Variants in AUTS2 observed in about 807,000 individuals in gnomAD.
The protein encoded by AUTS2 is activator of transcription and developmental regulator AUTS2, also known as autism susceptibility gene 2 protein.
AUTS2 carries 17 observed loss-of-function variants against 112.4 expected under a neutral mutation model. The observed-to-expected ratio is 0.15, with a 90% CI of 0.10 to 0.23. The LOEUF (loss-of-function observed/expected upper bound fraction) is 0.23, where lower values mean the gene tolerates loss of function less well. Among genes scored for constraint, AUTS2 ranks in the 10% least tolerant of loss-of-function variants. The pLI is 1.00. For synonymous variants in AUTS2, 751 were observed against 702.7 expected (o/e 1.07, Z -1.09); for missense variants, 1,510 against 1,701.6 (o/e 0.89, Z 1.98).
At position 70,679,137 on chromosome 7, in the gene AUTS2, G is replaced by A. The variant is rs572574212; in HGVS notation, c.691-19432G>A. Among the ~76,000 whole-genome samples the A allele has an allele frequency of 2.0e-5, 3 of 152,266 alleles. No homozygotes were observed. In the South Asian group the frequency reaches 6.2e-4, roughly 32 times the overall value. ...ATCAATGGAGGAAGTCAAGCAAAGAGTTTTTGGGTGTTATTCTCACCATCT... is the reference window on the plus strand; with the variant it reads ...ATCAATGGAGGAAGTCAAGCAAAGAATTTTTGGGTGTTATTCTCACCATCT... On this transcript the variant is annotated intron_variant, in intron 5 of 18. Transcript: ENST00000342771.
intron 4 of AUTS2, among the ~76,000 whole-genome samples, chr7:70,234,259 A>T (rs1812204067): frequency 6.6e-6 from 1 of 152,172 alleles, no homozygotes; most frequent in African/African-American, 2.4e-5. Context: ...ACTAAATGGG[A>T]TAAAGCATAT....
chr7:69,685,686 A>G (rs1254762198), intron 1 of AUTS2, among the ~76,000 whole-genome samples: 1 of 151,964 alleles, frequency 6.6e-6, no homozygotes, highest in Admixed American at 6.6e-5. Context: ...TTGCAATGGT[A>G]GAAGTAGAGT....
chr7:70,662,202 T>A (rs981996366), intron 5 of AUTS2, among the ~76,000 whole-genome samples: 2 of 152,268 alleles, frequency 1.3e-5, no homozygotes, highest in Non-Finnish European at 2.9e-5. Context: ...GAATGCCTTC[T>A]GCCCATTGCA....
At chr7:70,116,314 A>AT (rs1805353728) in intron 2 of AUTS2, among the ~76,000 whole-genome samples, 1 of 152,190 alleles carries the variant, frequency 6.6e-6, no homozygotes, top group Non-Finnish European at 1.5e-5. Flanking sequence ...GATAGCAAAA[A>AT]AGAATGCCTT....
At position 69,787,086 on chromosome 7, in the gene AUTS2, C is replaced by T. The variant is rs553933363; in HGVS notation, c.310-112200C>T. ...GAACTCAGCTCTTTCTGGCTTTCAG[C>T]ATTTGATCCAATTATGTTTCTCACA... On this transcript the variant is annotated intron_variant, in intron 1 of 18. Transcript: ENST00000342771. 2.2e-4 allele frequency among the ~76,000 whole-genome samples: 34 copies of T among 152,312 alleles called. No homozygotes were observed. The South Asian group carries it at 6.6e-3, about 30-fold the overall frequency.
chr7:69,898,661 C>T (rs1345520560), intron 1 of AUTS2, among the ~76,000 whole-genome samples: 3 of 152,062 alleles, frequency 2.0e-5, no homozygotes, highest in East Asian at 3.9e-4. Context: ...TCATCCCCAA[C>T]CACACACAGG....
chr7:70,020,872 T>A (rs1800239427), intron 2 of AUTS2, among the ~76,000 whole-genome samples: 1 of 152,152 alleles, frequency 6.6e-6, no homozygotes, highest in African/African-American at 2.4e-5. Context: ...GGTCTTGCCA[T>A]TCTGCCTAGG....
intron 2 of AUTS2, among the ~76,000 whole-genome samples, chr7:69,928,160 C>A (rs1245552262): frequency 6.6e-6 from 1 of 152,142 alleles, no homozygotes; most frequent in Non-Finnish European, 1.5e-5. Context: ...CCCAGTGAGT[C>A]CCTGAGTCTG....
intron 1 of AUTS2, among the ~76,000 whole-genome samples, chr7:69,766,457 A>G (rs1470289961): frequency 6.6e-6 from 1 of 152,236 alleles, no homozygotes; most frequent in African/African-American, 2.4e-5. Flanking sequence ...TATTTTGAAT[A>G]TATACCCAAA....
intron 1 of AUTS2, among the ~76,000 whole-genome samples, chr7:69,692,617 G>T (rs949082639): frequency 6.6e-6 from 1 of 152,174 alleles, no homozygotes; most frequent in Admixed American, 6.5e-5. Context: ...TTTCCTGAGG[G>T]GAAATGGAGA....
intron 6 of AUTS2, among the ~76,000 whole-genome samples, chr7:70,704,463 G>A (rs4075496): frequency 0.064 from 9,775 of 152,248 alleles, 418 homozygotes; most frequent in Non-Finnish European, 0.099. Flanking sequence ...TATACTGGGC[G>A]ATTACTGCTG....
intron 5 of AUTS2, among the ~76,000 whole-genome samples, chr7:70,524,210 A>G (rs1296456144): frequency 6.6e-6 from 1 of 152,220 alleles, no homozygotes; most frequent in Non-Finnish European, 1.5e-5. Context: ...AATAAAGCAG[A>G]AAGGAACCAT....
chr7:70,576,007 G>C (rs945553297), intron 5 of AUTS2, among the ~76,000 whole-genome samples: 1 of 152,232 alleles, frequency 6.6e-6, no homozygotes, highest in Admixed American at 6.5e-5. Flanking sequence ...TCCTATTTAT[G>C]GTCAGTGCTT....
At chr7:70,693,976 G>A (rs1457909663) in intron 5 of AUTS2, 2 of 151,862 alleles carry the variant, frequency 1.3e-5, no homozygotes, top group Non-Finnish European at 2.9e-5. Flanking sequence ...GAGGGGCGGG[G>A]CGCGCGGGGC....
chr7:70,606,913 G>A (rs999941654), intron 5 of AUTS2, among the ~76,000 whole-genome samples: 9 of 151,348 alleles, frequency 5.9e-5, no homozygotes, highest in Non-Finnish European at 7.4e-5. Flanking sequence ...ATACACGTGC[G>A]CACACACACA....
At chr7:70,275,121 C>T (rs1787868691) in intron 4 of AUTS2, among the ~76,000 whole-genome samples, 1 of 152,140 alleles carries the variant, frequency 6.6e-6, no homozygotes, top group Non-Finnish European at 1.5e-5. Context: ...ACAATCACAC[C>T]TCGCTGCAGC....
intron 1 of AUTS2, among the ~76,000 whole-genome samples, chr7:69,745,065 A>G (rs933424030): frequency 2.6e-5 from 4 of 152,120 alleles, no homozygotes; most frequent in Non-Finnish European, 5.9e-5. Context: ...CTTAGTCCCC[A>G]TTGCATTAGT....
At chr7:69,701,406 C>G (rs933526250) in intron 1 of AUTS2, among the ~76,000 whole-genome samples, 3 of 152,148 alleles carry the variant, frequency 2.0e-5, no homozygotes, top group African/African-American at 7.2e-5. Flanking sequence ...TTTGAGTGCT[C>G]AGCAAGTGCC....
At chr7:69,953,583 A>G (rs923066238) in intron 2 of AUTS2, among the ~76,000 whole-genome samples, 6 of 152,224 alleles carry the variant, frequency 3.9e-5, no homozygotes, top group African/African-American at 7.2e-5. Context: ...ATGCTCTCCA[A>G]CATCTGGGGA....
Sources: allele counts gnomAD v4.1 joint callset (sites outside exome capture counted in the v4.1 genomes callset), GRCh38; gene constraint gnomAD v4.1.1; transcripts MANE v1.5; gene names NCBI Gene and HGNC (gene_info 2026-07-23, HGNC 2026-07-21).